The following PTPRN2 variants were observed in gnomAD, a reference collection of about 807,000 sequenced individuals.
PTPRN2 encodes the protein protein tyrosine phosphatase receptor type N2.
PTPRN2 carries 74 observed loss-of-function variants against 118.8 expected under a neutral mutation model. That is an observed-to-expected ratio of 0.62 (90% CI 0.52 to 0.76). The LOEUF (loss-of-function observed/expected upper bound fraction) is 0.76. Ranked by LOEUF, PTPRN2 falls within the 30% of genes least tolerant of loss-of-function variation. The probability of loss-of-function intolerance (pLI) is 0.00; values close to 1 mark genes in which losing one functional copy is unlikely to be tolerated. For missense variants in PTPRN2, 1,481 were observed against 1,394.4 expected, an observed-to-expected ratio of 1.06 and a Z score of -0.99; for synonymous variants, 641 against 608.0, an observed-to-expected ratio of 1.05 and a Z score of -0.80.
rs1468617721 is a variant in PTPRN2 at position 157,591,549 on chromosome 7, G to C, written c.2496+3689C>G. Among the ~76,000 whole-genome samples the C allele has an allele frequency of 6.6e-6, 1 of 152,244 alleles. No homozygotes were observed. Among genetic ancestry groups the C allele is most frequent in the African/African-American group, 2.4e-5 (1 of 41,460 alleles). On this transcript the variant is annotated intron_variant, in intron 17 of 22. Transcript: ENST00000389418. This position sits in a 1 kb window ranked among gnomAD's most constrained non-coding sequence, Gnocchi z 4.4. ...TACACGTTACCGTGGGTTTGGAAAA[G>C]TTCTGCCTTCCGTGGGAGGTTTTAA...
At chr7:158,054,875 G>A (rs1018596127) in intron 11 of PTPRN2, among the ~76,000 whole-genome samples, 24 of 152,156 alleles carry the variant, frequency 1.6e-4, no homozygotes, top group Non-Finnish European at 3.4e-4. Flanking sequence ...GCACCTCCAA[G>A]ACACCTGCAG....
In PTPRN2 at chr7:158,526,842, C is replaced by T. The variant is rs530244159; in HGVS notation, c.113-37057G>A. On this transcript the variant is annotated intron_variant, in intron 1 of 22. Coordinates refer to ENST00000389418, the MANE Select transcript of PTPRN2 (RefSeq NM_002847.5). The surrounding 1 kb of genome is among the most constrained non-coding windows in gnomAD (Gnocchi z 5.2). ...CTGCCGTGCTCTCATCTTGGACTTT[C>T]GGCCTCCAGGACTCAGAAATGTCTG... is the stretch of plus-strand genomic sequence containing the variant. Among the ~76,000 whole-genome samples the T allele has an allele frequency of 2.0e-5, 3 of 152,062 alleles. No homozygotes were observed. Among genetic ancestry groups the T allele is most frequent in the South Asian group, 2.1e-4 (1 of 4,816 alleles).
rs1818846288 is a variant in PTPRN2 at position 158,136,662 on chromosome 7, T to C, written c.1166A>G (p.Tyr389Cys). The C allele has an allele frequency of 6.2e-7, 1 of 1,613,710 alleles. No homozygotes were observed. Among genetic ancestry groups the C allele is most frequent in the Non-Finnish European group, 8.5e-7 (1 of 1,179,676 alleles). Residue 389 changes from tyrosine to cysteine, a missense_variant, in exon 8 of 23, where the codon TAC becomes TGC. Physicochemically the swap from Tyr to Cys is radical, Grantham distance 194 (BLOSUM62 -2). Transcript: ENST00000389418. Reference sequence around the variant, plus strand: ...CCAGAGACGTCATCTTACCTCTTGGTAAAGTCTATCATCGTCGTCCTGCAC... The same window carrying C: ...CCAGAGACGTCATCTTACCTCTTGGCAAAGTCTATCATCGTCGTCCTGCAC... ...DGVQDDDDRL[Y>C]QEVHRLSATL...
intron 3 of PTPRN2, among the ~76,000 whole-genome samples, chr7:158,230,227 A>G (rs1384515736): frequency 6.6e-6 from 1 of 152,222 alleles, no homozygotes; most frequent in Non-Finnish European, 1.5e-5. Flanking sequence ...ATTCACCACT[A>G]CTAGTCCTGT....
chr7:158,081,512 T>C, intron 10 of PTPRN2, 135 bp from the exon 11 acceptor site: 1 of 752,250 alleles, frequency 1.3e-6, no homozygotes, highest in Non-Finnish European at 2.3e-6. Flanking sequence ...AGGCGTCGAC[T>C]CCACTGGACG....
chr7:157,822,149 T>C (rs1563144475), intron 12 of PTPRN2, among the ~76,000 whole-genome samples: 1 of 151,674 alleles, frequency 6.6e-6, no homozygotes, highest in Non-Finnish European at 1.5e-5. Flanking sequence ...TACCCACTCA[T>C]CCATTCATCC....
chr7:158,056,325 C>T (rs1222874247), intron 11 of PTPRN2, among the ~76,000 whole-genome samples: 2 of 152,230 alleles, frequency 1.3e-5, no homozygotes, highest in African/African-American at 4.8e-5. Flanking sequence ...AGGCCGGGAG[C>T]AGGGGGGCAC....
chr7:158,192,398 C>T lies in PTPRN2; in HGVS notation c.478G>A (p.Ala160Thr), dbSNP rs1304139207. 6.5e-7 allele frequency: 1 copy of T among 1,533,280 alleles called. No homozygotes were observed. 95.0% of individuals were successfully genotyped at this position (1,533,280 alleles called of 1,614,324 possible). A position where few individuals can be genotyped will look rare whatever the true frequency, so the allele number is the denominator to read the frequency against. The change falls in exon 5 of 23, where the codon GCC (alanine) becomes ACC (threonine). Residue 160 changes from alanine to threonine, a missense_variant. Ala to Thr is a moderately conservative substitution (Grantham distance 58). This residue lies in a region of PTPRN2 where 1,115 missense variants were observed against 994.2 expected (regional missense o/e 1.12). Transcript: ENST00000389418. Reference protein sequence around the residue: ...ALRRHLPFLEALSQAPASDVL... With the variant: ...ALRRHLPFLETLSQAPASDVL... ...TCTGAGGCTGGGGCCTGGGACAGGG[C>T]CTCCAGGAAGGGCAGGTGGCGTCGG...
At chr7:158,296,091 C>T (rs1427131643) in intron 3 of PTPRN2, among the ~76,000 whole-genome samples, 1 of 152,144 alleles carries the variant, frequency 6.6e-6, no homozygotes, top group African/African-American at 2.4e-5. Flanking sequence ...TGGGCCTAGG[C>T]GAGGACAGGC....
At chr7:158,060,528 A>C (rs1405816762) in intron 11 of PTPRN2, among the ~76,000 whole-genome samples, 1 of 152,206 alleles carries the variant, frequency 6.6e-6, no homozygotes, top group Non-Finnish European at 1.5e-5. Flanking sequence ...CTAAGGACAC[A>C]GTCATGTTGG....
intron 11 of PTPRN2, among the ~76,000 whole-genome samples, chr7:158,076,632 G>A (rs1755457404): frequency 6.6e-6 from 1 of 152,126 alleles, no homozygotes; most frequent in African/African-American, 2.4e-5. Context: ...CCTCTTACTG[G>A]CATGTCCTTG....
In PTPRN2 at chr7:157,540,075, C is replaced by T. The variant is rs1563194972; in HGVS notation, c.*639G>A. The T allele has an allele frequency of 6.6e-6, 1 of 152,216 alleles. No homozygotes were observed. The highest frequency in any genetic ancestry group is 2.4e-5 in the African/African-American group (1 of 41,424). The allele number at this position is 152,216 out of a possible 1,614,324, so 9.4% of individuals were successfully genotyped here. ...ACTCATGGGGTGCACAGGTGTCTGC[C>T]CCCGGGGAGCCCCTGAATCACTCTG... On this transcript the variant is annotated 3_prime_UTR_variant, in exon 23 of 23. Coordinates refer to ENST00000389418, the MANE Select transcript of PTPRN2 (RefSeq NM_002847.5).
At chr7:158,091,109 AC>A (rs746409750) in intron 10 of PTPRN2, among the ~76,000 whole-genome samples, 15 of 152,342 alleles carry the variant, frequency 9.8e-5, no homozygotes, top group Admixed American at 6.5e-4. Context: ...CTGTATAGTA[AC>A]GACTATACAG....
chr7:158,490,470 A>C (rs1821366227), intron 1 of PTPRN2, among the ~76,000 whole-genome samples: 1 of 152,202 alleles, frequency 6.6e-6, no homozygotes, highest in African/African-American at 2.4e-5. Flanking sequence ...GGCGACCCCA[A>C]GCCACGCATC....
intron 2 of PTPRN2, among the ~76,000 whole-genome samples, chr7:158,375,959 C>T (rs1810466606): frequency 6.6e-6 from 1 of 152,180 alleles, no homozygotes; most frequent in Admixed American, 6.5e-5. Context: ...CAATTTGTCC[C>T]TGTGACCTGA....
At chr7:158,296,731 C>A (rs1353588670) in intron 3 of PTPRN2, among the ~76,000 whole-genome samples, 9 of 152,240 alleles carry the variant, frequency 5.9e-5, no homozygotes, top group Admixed American at 5.9e-4. Flanking sequence ...CCATCGCACG[C>A]CCTGTGAGGG....
intron 12 of PTPRN2, among the ~76,000 whole-genome samples, chr7:157,708,432 G>A (rs922426257): frequency 3.9e-5 from 6 of 152,192 alleles, no homozygotes; most frequent in Non-Finnish European, 8.8e-5. Context: ...TCCTTCCACA[G>A]GGACTGTCCA....
chr7:158,149,249 C>T (rs759707982), intron 6 of PTPRN2, among the ~76,000 whole-genome samples: 2 of 151,996 alleles, frequency 1.3e-5, no homozygotes, highest in African/African-American at 4.8e-5. Flanking sequence ...AATTATAGTA[C>T]AGGGAACCCA....
At position 157,560,088 on chromosome 7, in the gene PTPRN2, A is replaced by G. The variant is rs1799103361; in HGVS notation, c.2902+8814T>C. On this transcript the variant is annotated intron_variant, in intron 21 of 22. Coordinates refer to ENST00000389418, the MANE Select transcript of PTPRN2 (RefSeq NM_002847.5). This position sits in a 1 kb window ranked among gnomAD's most constrained non-coding sequence, Gnocchi z 6.7. ...ACCTGAACGACATTTTGCGGCATCC[A>G]ATGGGCCTGAGGTGTCTGCGTGACC... Among the ~76,000 whole-genome samples, 2 of 152,112 alleles carry G rather than the reference A, an allele frequency of 1.3e-5. No individual in the cohort carries two copies. Among genetic ancestry groups the G allele is most frequent in the Admixed American group, 6.5e-5 (1 of 15,280 alleles).
Sources: gnomAD v4.1 joint callset for allele counts (sites outside exome capture counted in the v4.1 genomes callset) on GRCh38, gnomAD v4.1.1 for gene constraint, gnomAD v4.1.1 regional missense constraint, Gnocchi (gnomAD v3.1) non-coding constraint, MANE v1.5 for transcripts, NCBI Gene and HGNC (gene_info 2026-07-23, HGNC 2026-07-21) for gene names.